Variants in TTLL11 observed in about 807,000 individuals in gnomAD.
The protein encoded by TTLL11 is tubulin tyrosine ligase like 11.
A neutral mutation model predicts 51.7 loss-of-function variants in TTLL11; 42 were observed. The observed-to-expected ratio is 0.81, with a 90% CI of 0.64 to 1.05. The LOEUF (loss-of-function observed/expected upper bound fraction) is 1.05, where lower values mean the gene tolerates loss of function less well. Ranked by LOEUF, TTLL11 falls within the 50% of genes least tolerant of loss-of-function variation. The pLI is 0.00. For missense variants in TTLL11, 799 were observed against 940.4 expected (o/e 0.85, Z 1.97); for synonymous variants, 381 against 383.5 (o/e 0.99, Z 0.08).
Position 121,899,083 on chromosome 9 carries a change from C to T in TTLL11, c.1482-28335G>A, listed in dbSNP as rs187403208. ...CTGTGTCAATGAGCTGCTTACATCA[C>T]CTCCTCCCTGGGCCCCTCTGCTCCA... On this transcript the variant is annotated intron_variant, in intron 6 of 8. Coordinates refer to ENST00000321582, the MANE Select transcript of TTLL11 (RefSeq NM_001139442.2). Among the ~76,000 whole-genome samples, 8 of 152,126 alleles carry T rather than the reference C, an allele frequency of 5.3e-5. No homozygotes were observed. In the East Asian group the frequency reaches 1.6e-3, roughly 30 times the overall value.
intron 1 of TTLL11, among the ~76,000 whole-genome samples, chr9:122,082,440 T>A (rs374265642): frequency 3.5e-4 from 50 of 141,414 alleles, no homozygotes; most frequent in African/African-American, 1.3e-3. Flanking sequence ...AGGCGGAAGA[T>A]GCAGTGAGCC....
At chr9:122,070,720 G>A (rs1845704434) in intron 1 of TTLL11, among the ~76,000 whole-genome samples, 1 of 152,112 alleles carries the variant, frequency 6.6e-6, no homozygotes. Flanking sequence ...AAAGGCCAGC[G>A]CTCCCCTCCT....
intron 2 of TTLL11, among the ~76,000 whole-genome samples, chr9:122,033,061 A>C (rs1026778319): frequency 2.0e-5 from 3 of 152,142 alleles, no homozygotes; most frequent in Admixed American, 6.5e-5. Context: ...TTGGCCTCCC[A>C]AAGCCCTGGA....
chr9:121,826,308 A>ATG (rs1266458587), intron 8 of TTLL11, among the ~76,000 whole-genome samples: 14 of 83,150 alleles, frequency 1.7e-4, no homozygotes, highest in African/African-American at 6.4e-4. Flanking sequence ...ATATATATAT[A>ATG]TGGGTTTATA....
intron 7 of TTLL11, among the ~76,000 whole-genome samples, chr9:121,865,544 A>T (rs1335900862): frequency 6.6e-6 from 1 of 152,200 alleles, no homozygotes; most frequent in East Asian, 1.9e-4. Flanking sequence ...ACACATTTGT[A>T]AAAATTTTCC....
rs1839167610 is a variant in TTLL11 at position 121,890,082 on chromosome 9, G to A, written c.1482-19334C>T. The stretch of plus-strand genomic sequence containing the variant: ...TTATTCATTCATTCATTCATTCATG[G>A]ACATTGTAAATAATGCTGCTATAAA... On this transcript the variant is annotated intron_variant, in intron 6 of 8. Transcript: ENST00000321582. This position sits in a 1 kb window ranked among gnomAD's most constrained non-coding sequence, Gnocchi z 4.3. Among the ~76,000 whole-genome samples the A allele has an allele frequency of 6.6e-6, 1 of 151,974 alleles. No homozygotes were observed. The highest frequency in any genetic ancestry group is 1.5e-5 in the Non-Finnish European group (1 of 67,992).
chr9:121,856,569 G>C (rs1220516436), intron 8 of TTLL11, among the ~76,000 whole-genome samples: 1 of 104,386 alleles, frequency 9.6e-6, no homozygotes, highest in Non-Finnish European at 2.3e-5. Flanking sequence ...TAAGAGGCTA[G>C]GATCTGTACC....
intron 3 of TTLL11, among the ~76,000 whole-genome samples, chr9:122,004,499 A>C (rs1843577906): frequency 6.6e-6 from 1 of 151,970 alleles, no homozygotes. Context: ...ACAGGCATGC[A>C]CCACCATGCC....
rs866000483 is a variant in TTLL11 at position 121,989,713 on chromosome 9, CA to C, written c.750del (p.Asp251MetfsTer57). On this transcript the variant is annotated frameshift_variant, in exon 4 of 9. Coordinates refer to ENST00000321582, the MANE Select transcript of TTLL11 (RefSeq NM_001139442.2). LOFTEE classifies it high-confidence loss of function. The surrounding 1 kb of genome is among the most constrained non-coding windows in gnomAD (Gnocchi z 4.2). ...PSWKPTFIVK[P>X]DGGCQGDGIY... ...ATTCCATCACCCTGACAACCACCAT[CA>C]GGTTTCACGATAAAAGTGGGCTTCC... The C allele has an allele frequency of 3.1e-6, 5 of 1,612,706 alleles. No homozygotes were observed. Among genetic ancestry groups the C allele is most frequent in the Middle Eastern group, 3.3e-4 (2 of 6,082 alleles).
intron 6 of TTLL11, among the ~76,000 whole-genome samples, chr9:121,883,354 T>C (rs1838872234): frequency 6.6e-6 from 1 of 152,146 alleles, no homozygotes; most frequent in Admixed American, 6.6e-5. Flanking sequence ...GGTTGGAACA[T>C]CGTAAGTACC....
intron 1 of TTLL11, among the ~76,000 whole-genome samples, chr9:122,046,291 T>C (rs550470620): frequency 3.9e-5 from 6 of 152,196 alleles, no homozygotes; most frequent in Non-Finnish European, 8.8e-5. Context: ...CCTCCTTCTC[T>C]CTCTTCCTCC....
chr9:122,032,304 T>C (rs981356742), intron 2 of TTLL11, among the ~76,000 whole-genome samples: 1 of 152,182 alleles, frequency 6.6e-6, no homozygotes, highest in Non-Finnish European at 1.5e-5. Context: ...GAGGCTTAAT[T>C]AAGTTTACTT....
chr9:122,048,735 C>T lies in TTLL11; in HGVS notation c.463-9367G>A, dbSNP rs148815640. Among the ~76,000 whole-genome samples, 19 of 152,274 alleles carry T rather than the reference C, an allele frequency of 1.2e-4. No homozygotes were observed. In the East Asian group the frequency reaches 1.5e-3, roughly 12 times the overall value. ...CTGGGTTTCTTCATGTCATTCCTTC[C>T]GCCTGGGATCTTCTGACTGGGCTTG... is the stretch of plus-strand genomic sequence containing the variant. On this transcript the variant is annotated intron_variant, in intron 1 of 8. Transcript: ENST00000321582.
At chr9:121,925,441 C>T (rs530494937) in intron 6 of TTLL11, among the ~76,000 whole-genome samples, 14 of 150,630 alleles carry the variant, frequency 9.3e-5, no homozygotes, top group Non-Finnish European at 1.6e-4. Context: ...CACCCCACCC[C>T]GGGACCATCC....
At chr9:121,897,891 C>T (rs1193136291) in intron 6 of TTLL11, among the ~76,000 whole-genome samples, 5 of 151,596 alleles carry the variant, frequency 3.3e-5, no homozygotes, top group Admixed American at 6.6e-5. Context: ...TCTCTTTTCT[C>T]CTCTCCTTCC....
In TTLL11 at chr9:121,918,392, C is replaced by A. The variant is rs543888115; in HGVS notation, c.1482-47644G>T. Reference sequence around the variant, plus strand: ...ATGTGTCCCAAGAGGGTAGCAACTGCCATCTGTTGTCATGCCTGATGTACC... The same window carrying A: ...ATGTGTCCCAAGAGGGTAGCAACTGACATCTGTTGTCATGCCTGATGTACC... On this transcript the variant is annotated intron_variant, in intron 6 of 8. Coordinates refer to ENST00000321582, the MANE Select transcript of TTLL11 (RefSeq NM_001139442.2). 2.0e-5 allele frequency among the ~76,000 whole-genome samples: 3 copies of A among 152,264 alleles called. No individual in the cohort carries two copies. The East Asian group carries it at 5.8e-4, about 29-fold the overall frequency.
chr9:121,996,836 C>T (rs1843282509), intron 3 of TTLL11, among the ~76,000 whole-genome samples: 1 of 152,196 alleles, frequency 6.6e-6, no homozygotes, highest in South Asian at 2.1e-4. Context: ...AAAGATATTA[C>T]TTTATGTAAT....
intron 8 of TTLL11, among the ~76,000 whole-genome samples, chr9:121,838,078 T>C (rs987758551): frequency 3.3e-5 from 5 of 152,188 alleles, no homozygotes; most frequent in African/African-American, 1.2e-4. Flanking sequence ...CTCCAAATCA[T>C]TGTCTCCAGG....
intron 6 of TTLL11, among the ~76,000 whole-genome samples, chr9:121,879,226 G>T (rs548725189): frequency 3.9e-5 from 6 of 152,104 alleles, no homozygotes; most frequent in Admixed American, 1.3e-4. Context: ...GGAGAGACTG[G>T]TATTCACCCC....
Sources: allele counts gnomAD v4.1 joint callset (sites outside exome capture counted in the v4.1 genomes callset), GRCh38; gene constraint gnomAD v4.1.1; non-coding constraint Gnocchi (gnomAD v3.1); transcripts MANE v1.5; gene names NCBI Gene and HGNC (gene_info 2026-07-23, HGNC 2026-07-21).